Variants in ILDR2 observed in about 807,000 individuals in gnomAD.
ILDR2 encodes immunoglobulin-like domain-containing receptor 2.
In ILDR2, 25 loss-of-function variants were observed where a neutral mutation model predicts 66.8. That is an observed-to-expected ratio of 0.37 (90% confidence interval 0.27 to 0.52). ILDR2 has a LOEUF of 0.52. ILDR2 is among the 20% of genes least tolerant of loss of function. The pLI is 0.88. For synonymous variants in ILDR2, 367 were observed against 357.2 expected, an observed-to-expected ratio of 1.03 and a Z score of -0.31; for missense variants, 827 against 876.8, an observed-to-expected ratio of 0.94 and a Z score of 0.72.
chr1:166,963,712 C>T (rs1212513922), intron 1 of ILDR2, among the ~76,000 whole-genome samples: 2 of 152,198 alleles, frequency 1.3e-5, no homozygotes, highest in African/African-American at 4.8e-5. Context: ...CTTGACATGG[C>T]CCCCAGTATG....
rs567640443 is a variant in ILDR2 at position 166,920,870 on chromosome 1, T to C, written c.1721A>G (p.Tyr574Cys). The change falls in exon 9 of 10, where the codon TAC (tyrosine) becomes TGC (cysteine). Residue 574 changes from tyrosine (Y) to cysteine (C), a missense_variant. By Grantham distance (194) the Tyr-to-Cys change is radical. Transcript: ENST00000271417. ...SYYAWSPPGTYKAGSSQDDQE... is the reference protein window; with the variant it reads ...SYYAWSPPGTCKAGSSQDDQE... ...GTCGTCCTGCGACGAGCCGGCCTTG[T>C]AGGTGCCGGGCGGCGACCAAGCGTA... 28 of 1,500,334 alleles carry C rather than the reference T, an allele frequency of 1.9e-5. No individual in the cohort carries two copies. In the Admixed American group the frequency reaches 2.6e-4, roughly 14 times the overall value. The allele number at this position is 1,500,334 out of a possible 1,614,324, so 92.9% of individuals were successfully genotyped here. A position where few individuals can be genotyped will look rare whatever the true frequency, so the allele number is the denominator to read the frequency against.
At chr1:166,967,665 A>G (rs753235262) in intron 1 of ILDR2, among the ~76,000 whole-genome samples, 2 of 152,162 alleles carry the variant, frequency 1.3e-5, no homozygotes, top group African/African-American at 2.4e-5. Flanking sequence ...GCTGAGGTAC[A>G]AGAACTGCTT....
Position 166,936,601 on chromosome 1 carries a change from G to A in ILDR2, c.693C>T (p.Cys231=). ...RCPCCPDSCC[C]PQALYEAGKA... The stretch of plus-strand genomic sequence containing the variant: ...GGTCACTGTACTCACAGGCTTGAGG[G>A]CAGCAGCAGGAATCTGGGCAGCATG... The change falls in exon 5 of 10, where the codon TGC becomes TGT. Residue 231 remains cysteine, a synonymous_variant. Transcript: ENST00000271417. This position sits in a 1 kb window ranked among gnomAD's most constrained non-coding sequence, Gnocchi z 5.0. 1 of 1,614,142 alleles carries A rather than the reference G, an allele frequency of 6.2e-7. No homozygotes were observed. The highest frequency in any genetic ancestry group is 2.2e-5 in the East Asian group (1 of 44,876).
chr1:166,903,792 C>A (rs145042334), downstream of ILDR2, among the ~76,000 whole-genome samples: 1 of 152,272 alleles, frequency 6.6e-6, no homozygotes, highest in African/African-American at 2.4e-5. Flanking sequence ...ATCATGCCTA[C>A]CTCAAGCACT....
chr1:166,941,830 T>C (rs1661326514), intron 3 of ILDR2, among the ~76,000 whole-genome samples: 1 of 152,222 alleles, frequency 6.6e-6, no homozygotes, highest in Non-Finnish European at 1.5e-5. Context: ...AAATTCATGA[T>C]AGAAATGTCA....
chr1:166,973,351 C>A (rs1402085672), intron 1 of ILDR2, among the ~76,000 whole-genome samples: 5 of 152,118 alleles, frequency 3.3e-5, no homozygotes, highest in Non-Finnish European at 7.4e-5. Context: ...TTTGAGAGAA[C>A]TGGAATCTAG....
intron 1 of ILDR2, among the ~76,000 whole-genome samples, chr1:166,959,250 G>A (rs957818857): frequency 1.3e-5 from 2 of 152,180 alleles, no homozygotes; most frequent in Non-Finnish European, 2.9e-5. Context: ...AGTACACCCA[G>A]CATTTTCTTC....
intron 1 of ILDR2, 34 bp downstream of exon 1, chr1:166,975,189 A>G (rs1663524906): frequency 2.6e-6 from 4 of 1,559,748 alleles, no homozygotes; most frequent in Non-Finnish European, 3.5e-6. Context: ...AGGAATATAC[A>G]AAGTTATTCG....
intron 3 of ILDR2, among the ~76,000 whole-genome samples, chr1:166,954,463 G>A (rs1055653368): frequency 6.6e-6 from 1 of 152,014 alleles, no homozygotes; most frequent in Non-Finnish European, 1.5e-5. Flanking sequence ...CTTTAAATAA[G>A]TAACACAGCT....
At chr1:166,971,116 G>A (rs1663263187) in intron 1 of ILDR2, among the ~76,000 whole-genome samples, 2 of 152,062 alleles carry the variant, frequency 1.3e-5, no homozygotes, top group South Asian at 4.2e-4. Flanking sequence ...TGGGTTGGGG[G>A]CCCCTTCAAG....
At chr1:166,920,322 C>T (rs1659833073) in intron 9 of ILDR2, among the ~76,000 whole-genome samples, 1 of 152,254 alleles carries the variant, frequency 6.6e-6, no homozygotes, top group East Asian at 1.9e-4. Flanking sequence ...AAGGATGCAT[C>T]GAAGATTCTG....
chr1:166,944,305 A>G (rs1182941441), intron 3 of ILDR2, among the ~76,000 whole-genome samples: 1 of 152,204 alleles, frequency 6.6e-6, no homozygotes, highest in South Asian at 2.1e-4. Flanking sequence ...TTCATCATTC[A>G]TTCATTCAAC....
intron 1 of ILDR2, among the ~76,000 whole-genome samples, chr1:166,964,437 G>A (rs1389682310): frequency 6.6e-6 from 1 of 152,198 alleles, no homozygotes; most frequent in East Asian, 1.9e-4. Flanking sequence ...GTCCCTGAGG[G>A]CAGGGGCCAG....
chr1:166,961,074 G>A (rs1662583832), intron 1 of ILDR2, among the ~76,000 whole-genome samples: 1 of 152,092 alleles, frequency 6.6e-6, no homozygotes, highest in Non-Finnish European at 1.5e-5. Context: ...GCACTGCTTG[G>A]GAAATCACAT....
intron 1 of ILDR2, among the ~76,000 whole-genome samples, chr1:166,961,004 C>T (rs982372484): frequency 2.0e-5 from 3 of 152,180 alleles, no homozygotes; most frequent in African/African-American, 7.2e-5. Flanking sequence ...CTCACAGGCA[C>T]CATTCCCATA....
intron 2 of ILDR2, among the ~76,000 whole-genome samples, chr1:166,957,263 T>C (rs1420948515): frequency 6.6e-6 from 1 of 152,218 alleles, no homozygotes. Flanking sequence ...TTGGGACCTT[T>C]TGAGGTCCAG....
At chr1:166,959,666 G>A (rs553461738) in intron 1 of ILDR2, among the ~76,000 whole-genome samples, 1 of 152,290 alleles carries the variant, frequency 6.6e-6, no homozygotes, top group Non-Finnish European at 1.5e-5. Flanking sequence ...AGAAATTTCA[G>A]TGAATGAGAG....
At chr1:166,975,147 GGC>G in intron 1 of ILDR2, 74 bp downstream of exon 1, 2 of 1,261,910 alleles carry the variant, frequency 1.6e-6, no homozygotes, top group South Asian at 2.4e-5. Flanking sequence ...AAAATGGGGG[GGC>G]GGGGGGCGCG....
At position 166,911,383 on chromosome 1, in the gene ILDR2, C is replaced by T. The variant is rs1426754304; in HGVS notation, c.*7972G>A. 1 of 152,092 alleles carries T rather than the reference C, an allele frequency of 6.6e-6. No homozygotes were observed. Among genetic ancestry groups the T allele is most frequent in the Non-Finnish European group, 1.5e-5 (1 of 68,030 alleles). The allele number at this position is 152,092 out of a possible 1,614,324, so 9.4% of individuals were successfully genotyped here. A position where few individuals can be genotyped will look rare whatever the true frequency, so the allele number is the denominator to read the frequency against. On this transcript the variant is annotated 3_prime_UTR_variant, in exon 10 of 10. Transcript: ENST00000271417. Reference sequence around the variant, plus strand: ...ACTCTTCCTGGCTTCCCCAGGGTTGCTGTGTATATATAGAGTCATTATGGA... The same window carrying T: ...ACTCTTCCTGGCTTCCCCAGGGTTGTTGTGTATATATAGAGTCATTATGGA...
Sources: gnomAD v4.1 joint callset for allele counts (sites outside exome capture counted in the v4.1 genomes callset) on GRCh38, gnomAD v4.1.1 for gene constraint, Gnocchi (gnomAD v3.1) non-coding constraint, MANE v1.5 for transcripts, NCBI Gene and HGNC (gene_info 2026-07-23, HGNC 2026-07-21) for gene names.